Variants in WASF2 observed in about 807,000 individuals in gnomAD.
WASF2 encodes the protein actin-binding protein WASF2.
Under a neutral mutation model 45.0 loss-of-function variants are expected in WASF2, and 14 were observed. The ratio of observed to expected loss-of-function variants is 0.31; its 90% CI spans 0.21 to 0.49. WASF2 has a LOEUF of 0.49. Among genes scored for constraint, WASF2 ranks in the 20% least tolerant of loss-of-function variants. The pLI is 0.99. For synonymous variants in WASF2, 200 were observed against 236.3 expected, an observed-to-expected ratio of 0.85 and a Z score of 1.41; for missense variants, 439 against 636.1, an observed-to-expected ratio of 0.69 and a Z score of 3.33.
intron 1 of WASF2, among the ~76,000 whole-genome samples, chr1:27,435,133 G>GAT (rs2017118234): frequency 6.6e-6 from 1 of 152,122 alleles, no homozygotes; most frequent in Non-Finnish European, 1.5e-5. Flanking sequence ...TTTTAGTAGA[G>GAT]ATGGGGTTTC....
intron 1 of WASF2, among the ~76,000 whole-genome samples, chr1:27,443,377 G>GC (rs2017269437): frequency 6.6e-6 from 1 of 150,762 alleles, no homozygotes. Context: ...ACTTCGGGAG[G>GC]CTGAGGTGGG....
At chr1:27,418,132 C>T in intron 4 of WASF2, 137 bp downstream of exon 4, 1 of 1,040,298 alleles carries the variant, frequency 9.6e-7, no homozygotes, top group Non-Finnish European at 1.3e-6. Flanking sequence ...TCTGCTGCCA[C>T]AGAAACTACC....
chr1:27,468,990 A>C (rs1224459438), intron 1 of WASF2, among the ~76,000 whole-genome samples: 1 of 152,160 alleles, frequency 6.6e-6, no homozygotes, highest in African/African-American at 2.4e-5. Context: ...CCTTGTCTGA[A>C]ACCTGATTCA....
intron 1 of WASF2, among the ~76,000 whole-genome samples, chr1:27,460,223 A>AT (rs775502642): frequency 7.1e-4 from 106 of 149,032 alleles, no homozygotes; most frequent in East Asian, 1.8e-3. Flanking sequence ...TTAAATGCCA[A>AT]TTTTTTTTTT....
intron 2 of WASF2, among the ~76,000 whole-genome samples, chr1:27,422,411 A>G (rs1048372040): frequency 6.6e-6 from 1 of 151,868 alleles, no homozygotes; most frequent in Non-Finnish European, 1.5e-5. Flanking sequence ...CGAGGTCAGG[A>G]GATCACAACC....
chr1:27,461,696 G>A (rs1440335701), intron 1 of WASF2, among the ~76,000 whole-genome samples: 5 of 151,692 alleles, frequency 3.3e-5, no homozygotes, highest in African/African-American at 1.2e-4. Context: ...GGATGGTCTC[G>A]ATCTCCTGAC....
At chr1:27,489,068 C>A (rs1259013161) in intron 1 of WASF2, among the ~76,000 whole-genome samples, 1 of 151,990 alleles carries the variant, frequency 6.6e-6, no homozygotes, top group African/African-American at 2.4e-5. Flanking sequence ...CCAAGGAGTC[C>A]TTCCTCTTCT....
At chr1:27,480,432 G>A (rs113429108) in intron 1 of WASF2, among the ~76,000 whole-genome samples, 12 of 151,728 alleles carry the variant, frequency 7.9e-5, no homozygotes, top group Non-Finnish European at 1.3e-4. Flanking sequence ...CACAAGAATC[G>A]CTTGGACCCG....
intron 1 of WASF2, among the ~76,000 whole-genome samples, chr1:27,448,689 A>G (rs545456034): frequency 6.6e-6 from 1 of 152,068 alleles, no homozygotes; most frequent in Non-Finnish European, 1.5e-5. Context: ...CATCTTTACT[A>G]GAATTAGTCA....
At chr1:27,443,837 G>C (rs1386092660) in intron 1 of WASF2, among the ~76,000 whole-genome samples, 9 of 152,076 alleles carry the variant, frequency 5.9e-5, no homozygotes, top group Non-Finnish European at 1.3e-4. Flanking sequence ...GGAGTGCAGG[G>C]GGGGGTGATC....
intron 1 of WASF2, among the ~76,000 whole-genome samples, chr1:27,454,439 T>C (rs1053630924): frequency 6.6e-6 from 1 of 151,368 alleles, no homozygotes; most frequent in Non-Finnish European, 1.5e-5. Flanking sequence ...AGCCTCAAAC[T>C]CCTGGGCTCA....
chr1:27,418,478 T>C, intron 3 of WASF2, 56 bp from the exon 4 acceptor site: 5 of 1,611,920 alleles, frequency 3.1e-6, no homozygotes, highest in Non-Finnish European at 4.2e-6. Context: ...GAGCAAACAC[T>C]GAGTCACACC....
intron 1 of WASF2, among the ~76,000 whole-genome samples, chr1:27,487,413 TATATAAATATATATATTTA>T (rs1420075464): frequency 1.5e-5 from 2 of 130,136 alleles, no homozygotes; most frequent in Non-Finnish European, 1.6e-5. Context: ...ATATATATTT[TATATAAATATATATATTTA>T]ATATATATAC....
At chr1:27,465,500 C>G (rs2017601939) in intron 1 of WASF2, among the ~76,000 whole-genome samples, 1 of 152,150 alleles carries the variant, frequency 6.6e-6, no homozygotes, top group African/African-American at 2.4e-5. Context: ...ACAACACTCT[C>G]ACTAGGTTTT....
intron 1 of WASF2, among the ~76,000 whole-genome samples, chr1:27,429,169 T>C (rs1571131635): frequency 1.3e-5 from 2 of 151,364 alleles, no homozygotes; most frequent in South Asian, 2.1e-4. Context: ...CTGGACTTGG[T>C]GACTGCTGCC....
At chr1:27,416,337 T>G (rs743043) in intron 4 of WASF2, among the ~76,000 whole-genome samples, 125,498 of 152,152 alleles carry the variant, frequency 0.82, 52,713 homozygotes, top group Admixed American at 0.91. Flanking sequence ...GTAGATGAAT[T>G]TGCATTGTCA....
At chr1:27,442,722 G>C (rs2017254200) in intron 1 of WASF2, among the ~76,000 whole-genome samples, 1 of 151,864 alleles carries the variant, frequency 6.6e-6, no homozygotes. Flanking sequence ...TAGCCAAAGG[G>C]CCGGGCGTGG....
At position 27,472,846 on chromosome 1, in the gene WASF2, C is replaced by A. The variant is rs1422266425; in HGVS notation, c.-44+17140G>T. Among the ~76,000 whole-genome samples, 6 of 150,068 alleles carry A rather than the reference C, an allele frequency of 4.0e-5. No individual in the cohort carries two copies. In the East Asian group the frequency reaches 9.7e-4, roughly 24 times the overall value. ...AATTAGTATGGCATGAAGATGTGAG[C>A]CTGTAGCCCTAGCTACTTAGGAGGC... On this transcript the variant is annotated intron_variant, in intron 1 of 8. Coordinates refer to ENST00000618852, the MANE Select transcript of WASF2 (RefSeq NM_006990.5).
intron 1 of WASF2, among the ~76,000 whole-genome samples, chr1:27,470,096 TACAG>T (rs2017669305): frequency 6.6e-6 from 1 of 152,194 alleles, no homozygotes; most frequent in African/African-American, 2.4e-5. Context: ...ATCTGAAGTG[TACAG>T]ACAGTGTCAG....
Sources: allele counts gnomAD v4.1 joint callset (sites outside exome capture counted in the v4.1 genomes callset), GRCh38; gene constraint gnomAD v4.1.1; transcripts MANE v1.5; gene names NCBI Gene and HGNC (gene_info 2026-07-23, HGNC 2026-07-21).